The following IGDCC3 variants were observed in gnomAD, a reference collection of about 807,000 sequenced individuals.
IGDCC3 encodes immunoglobulin superfamily DCC subclass member 3, also known as putative neuronal cell adhesion molecule.
IGDCC3 carries 47 observed loss-of-function variants against 72.0 expected under a neutral mutation model. That is an observed-to-expected ratio of 0.65 (90% confidence interval 0.52 to 0.83). IGDCC3 has a LOEUF of 0.83. Ranked by LOEUF, IGDCC3 falls within the 40% of genes least tolerant of loss-of-function variation. The pLI, the probability that IGDCC3 is intolerant of heterozygous loss-of-function variation, is 0.00. For synonymous variants in IGDCC3, 477 were observed against 472.8 expected (o/e 1.01, Z -0.11); for missense variants, 1,038 against 1,091.3 (o/e 0.95, Z 0.69).
chr15:65,352,156 GT>G (rs1243025005), intron 2 of IGDCC3, among the ~76,000 whole-genome samples: 1 of 152,112 alleles, frequency 6.6e-6, no homozygotes, highest in Non-Finnish European at 1.5e-5. Flanking sequence ...TGCTTAAAAC[GT>G]TGCTGATCCT....
intron 2 of IGDCC3, among the ~76,000 whole-genome samples, chr15:65,351,232 A>G (rs1424518267): frequency 6.6e-6 from 1 of 152,244 alleles, no homozygotes; most frequent in Non-Finnish European, 1.5e-5. Flanking sequence ...AAAGGGTTAT[A>G]AAAGGTTTAT....
chr15:65,372,004 C>A (rs960982612), intron 2 of IGDCC3, among the ~76,000 whole-genome samples: 2 of 152,224 alleles, frequency 1.3e-5, no homozygotes, highest in Non-Finnish European at 2.9e-5. Context: ...CCCTGGAGAA[C>A]TCCCTAAATG....
chr15:65,330,124 G>A (rs751429029), intron 11 of IGDCC3, among the ~76,000 whole-genome samples, 169 bp downstream of exon 11: 20 of 152,190 alleles, frequency 1.3e-4, no homozygotes, highest in Non-Finnish European at 2.1e-4. Context: ...AGAAAACTGG[G>A]ATCAGAGAGG....
intron 9 of IGDCC3, 50 bp downstream of exon 9, chr15:65,331,000 G>A: frequency 3.8e-6 from 6 of 1,596,244 alleles, no homozygotes; most frequent in Non-Finnish European, 5.1e-6. Context: ...GTTCTGCTCT[G>A]ATACCCTGAG....
Position 65,333,395 on chromosome 15 carries a change from C to G in IGDCC3, c.844G>C (p.Glu282Gln). 1 of 1,607,262 alleles carries G rather than the reference C, an allele frequency of 6.2e-7. No homozygotes were observed. Among genetic ancestry groups the G allele is most frequent in the Non-Finnish European group, 8.5e-7 (1 of 1,176,738 alleles). The change falls in exon 6 of 14, where the codon GAG becomes CAG. Residue 282 changes from glutamate (E) to glutamine (Q), a missense_variant. By Grantham distance (29) the Glu-to-Gln change is conservative. Transcript: ENST00000327987. ...CCTGTGCCCAGCACCTGGATGCCCT[C>G]CACCCCGATAGGGCGACCATCTGCA... is the stretch of plus-strand genomic sequence containing the variant. ...SRLDGRPIGV[E>Q]GIQVLGTGNL...
intron 2 of IGDCC3, chr15:65,374,274 T>A (rs1185649043): frequency 6.6e-6 from 1 of 152,282 alleles, no homozygotes; most frequent in East Asian, 1.9e-4. Context: ...TCTGCCCTTT[T>A]TCAGCCATGA....
intron 2 of IGDCC3, among the ~76,000 whole-genome samples, chr15:65,351,791 A>G (rs1200771626): frequency 2.0e-5 from 3 of 152,206 alleles, no homozygotes; most frequent in Non-Finnish European, 2.9e-5. Flanking sequence ...TAATTTTAAT[A>G]TAACTTAGTG....
chr15:65,332,606 G>A (rs1228731114), intron 6 of IGDCC3, among the ~76,000 whole-genome samples: 1 of 152,184 alleles, frequency 6.6e-6, no homozygotes, highest in Non-Finnish European at 1.5e-5. Flanking sequence ...CAGGTTAACG[G>A]CACATGGAAT....
chr15:65,367,636 C>T (rs557048996), intron 2 of IGDCC3, among the ~76,000 whole-genome samples: 1 of 152,242 alleles, frequency 6.6e-6, no homozygotes, highest in African/African-American at 2.4e-5. Flanking sequence ...CACCCGCTGG[C>T]CACTCTCCAC....
At chr15:65,367,549 T>G (rs1280558342) in intron 2 of IGDCC3, among the ~76,000 whole-genome samples, 1 of 151,396 alleles carries the variant, frequency 6.6e-6, no homozygotes, top group East Asian at 1.9e-4. Context: ...TAAAATAAAA[T>G]AAAAAGGAAA....
intron 2 of IGDCC3, among the ~76,000 whole-genome samples, chr15:65,337,397 G>A (rs1250683296): frequency 3.9e-5 from 6 of 152,190 alleles, no homozygotes; most frequent in Non-Finnish European, 5.9e-5. Context: ...TGTCTGGACG[G>A]GAATCCGTCC....
In IGDCC3 at chr15:65,377,609, C is replaced by T; in HGVS notation, c.103+77G>A. ...CGCGCCGCTCTCCCCGGGTCCGCCC[C>T]TCGCGCCCGCTCCCTCCCTGCTCGC... On this transcript the variant is annotated intron_variant, in intron 1 of 13. Transcript: ENST00000327987. This position sits in a 1 kb window ranked among gnomAD's most constrained non-coding sequence, Gnocchi z 4.9. 7.6e-7 allele frequency: 1 copy of T among 1,309,296 alleles called. No homozygotes were observed. The highest frequency in any genetic ancestry group is 9.7e-7 in the Non-Finnish European group (1 of 1,027,816). 81.1% of individuals were successfully genotyped at this position (1,309,296 alleles called of 1,614,324 possible).
At position 65,330,503 on chromosome 15, in the gene IGDCC3, G is replaced by A. The variant is rs200713859; in HGVS notation, c.1753+47C>T. ...TGTACGCCACCTCCTGGCCCTCAGC[G>A]CCGCACTCTGCCAAGCCCCCTAGGC... On this transcript the variant is annotated intron_variant, in intron 10 of 13. Coordinates refer to ENST00000327987, the MANE Select transcript of IGDCC3 (RefSeq NM_004884.4). The A allele has an allele frequency of 2.1e-5, 33 of 1,591,734 alleles. No individual in the cohort carries two copies. In the Middle Eastern group the frequency reaches 9.5e-4, roughly 46 times the overall value.
intron 2 of IGDCC3, among the ~76,000 whole-genome samples, chr15:65,353,866 C>T (rs919154530): frequency 2.0e-5 from 3 of 152,188 alleles, no homozygotes; most frequent in Non-Finnish European, 4.4e-5. Flanking sequence ...AACCAGTAGC[C>T]CTCAGGGCCG....
chr15:65,355,091 G>C (rs1196363909), intron 2 of IGDCC3, among the ~76,000 whole-genome samples: 1 of 152,210 alleles, frequency 6.6e-6, no homozygotes, highest in Non-Finnish European at 1.5e-5. Flanking sequence ...CCAGCCGGCT[G>C]CTCCGGGCAG....
chr15:65,377,704 GC>G lies in IGDCC3; in HGVS notation c.84del (p.Leu29CysfsTer31). On this transcript the variant is annotated frameshift_variant, in exon 1 of 14. Transcript: ENST00000327987. LOFTEE classifies it high-confidence loss of function. This position sits in a 1 kb window ranked among gnomAD's most constrained non-coding sequence, Gnocchi z 4.9. Reference sequence around the variant, plus strand: ...CACTCACCCTCGCTCGGCGCGGGCAGCAGCAGCAACAGCAGCGGCAGCAGGA... The same window carrying G: ...CACTCACCCTCGCTCGGCGCGGGCAGAGCAGCAACAGCAGCGGCAGCAGGA... ...PRLLLPLLLL[L>X]LPAPSEGLGH... 1 of 1,410,210 alleles carries G rather than the reference GC, an allele frequency of 7.1e-7. No homozygotes were observed. Among genetic ancestry groups the G allele is most frequent in the Non-Finnish European group, 9.2e-7 (1 of 1,085,856 alleles). 87.4% of individuals were successfully genotyped at this position (1,410,210 alleles called of 1,614,324 possible).
intron 2 of IGDCC3, among the ~76,000 whole-genome samples, chr15:65,367,441 T>A (rs1243206795): frequency 6.6e-6 from 1 of 151,152 alleles, no homozygotes; most frequent in Non-Finnish European, 1.5e-5. Context: ...GACGAGTTAA[T>A]GGGTGCAGCA....
chr15:65,346,891 G>T (rs1229151820), intron 2 of IGDCC3, among the ~76,000 whole-genome samples: 1 of 152,202 alleles, frequency 6.6e-6, no homozygotes, highest in Non-Finnish European at 1.5e-5. Context: ...TCATCCAGCT[G>T]CAACCTTTGA....
chr15:65,339,936 C>T lies in IGDCC3; in HGVS notation c.410-3980G>A, dbSNP rs1353609933. Among the ~76,000 whole-genome samples the T allele has an allele frequency of 1.3e-5, 2 of 151,988 alleles. No individual in the cohort carries two copies. The highest frequency in any genetic ancestry group is 2.4e-5 in the African/African-American group (1 of 41,342). On this transcript the variant is annotated intron_variant, in intron 2 of 13. Coordinates refer to ENST00000327987, the MANE Select transcript of IGDCC3 (RefSeq NM_004884.4). This position sits in a 1 kb window ranked among gnomAD's most constrained non-coding sequence, Gnocchi z 4.1. The stretch of plus-strand genomic sequence containing the variant: ...TTCCAGGTGTGAGGGCCAGAGAAAG[C>T]GACAGGGAGGACAAAGTCCTGCTTG...
Sources: gnomAD v4.1 joint callset for allele counts (sites outside exome capture counted in the v4.1 genomes callset) on GRCh38, gnomAD v4.1.1 for gene constraint, Gnocchi (gnomAD v3.1) non-coding constraint, MANE v1.5 for transcripts, NCBI Gene and HGNC (gene_info 2026-07-23, HGNC 2026-07-21) for gene names.